Variants in TMOD1 observed in about 807,000 individuals in gnomAD.
The protein encoded by TMOD1 is tropomodulin 1.
TMOD1 carries 17 observed loss-of-function variants against 40.6 expected under a neutral mutation model. That is an observed-to-expected ratio of 0.42 (90% CI 0.29 to 0.63). TMOD1 has a LOEUF of 0.63. TMOD1 is among the 20% of genes least tolerant of loss of function. The probability of loss-of-function intolerance (pLI) is 0.22; values close to 1 mark genes in which losing one functional copy is unlikely to be tolerated. For synonymous variants in TMOD1, 181 were observed against 175.0 expected, an observed-to-expected ratio of 1.03 and a Z score of -0.27; for missense variants, 391 against 447.6, an observed-to-expected ratio of 0.87 and a Z score of 1.14.
intron 8 of TMOD1, among the ~76,000 whole-genome samples, chr9:97,581,361 A>G (rs1311281297): frequency 6.6e-6 from 1 of 151,524 alleles, no homozygotes; most frequent in Non-Finnish European, 1.5e-5. Flanking sequence ...TCCATGGTGT[A>G]TATGTGCCAC....
At position 97,555,303 on chromosome 9, in the gene TMOD1, G is replaced by T. The variant is rs1304230213; in HGVS notation, c.397+1903G>T. 7 of 1,035,184 alleles carry T rather than the reference G, an allele frequency of 6.8e-6. No homozygotes were observed. The East Asian group carries it at 5.0e-4, about 74-fold the overall frequency. The allele number at this position is 1,035,184 out of a possible 1,614,324, so 64.1% of individuals were successfully genotyped here. Reference sequence around the variant, plus strand: ...AGGCAGGGAGGTGGCTGATGCCTTGGTGCGGCATCTCCACATGGACTGGGG... The same window carrying T: ...AGGCAGGGAGGTGGCTGATGCCTTGTTGCGGCATCTCCACATGGACTGGGG... On this transcript the variant is annotated intron_variant, in intron 4 of 9. Coordinates refer to ENST00000259365, the MANE Select transcript of TMOD1 (RefSeq NM_003275.4).
chr9:97,594,102 G>A (rs973260021), intron 9 of TMOD1, among the ~76,000 whole-genome samples: 59 of 152,282 alleles, frequency 3.9e-4, no homozygotes, highest in African/African-American at 1.2e-3. Context: ...AGCAGAGACC[G>A]TGGCAGTTTC....
At chr9:97,517,540 G>A (rs759826547) in intron 1 of TMOD1, among the ~76,000 whole-genome samples, 1 of 152,138 alleles carries the variant, frequency 6.6e-6, no homozygotes, top group Non-Finnish European at 1.5e-5. Context: ...TGTGGGGCCT[G>A]AGGACTCCAG....
At chr9:97,567,556 A>T (rs1012948203) in intron 7 of TMOD1, among the ~76,000 whole-genome samples, 1 of 152,228 alleles carries the variant, frequency 6.6e-6, no homozygotes. Context: ...GTCCAGTTGG[A>T]TCAGCCTAGC....
intron 7 of TMOD1, among the ~76,000 whole-genome samples, chr9:97,568,359 C>T (rs1830765093): frequency 6.6e-6 from 1 of 152,184 alleles, no homozygotes; most frequent in African/African-American, 2.4e-5. Flanking sequence ...ATGAAAACAA[C>T]TCTGAACAGA....
At chr9:97,565,332 A>G (rs1830710542) in intron 6 of TMOD1, among the ~76,000 whole-genome samples, 1 of 152,048 alleles carries the variant, frequency 6.6e-6, no homozygotes, top group Admixed American at 6.5e-5. Flanking sequence ...AAGCATCACC[A>G]TTTTGTAAAA....
chr9:97,575,574 A>G (rs1016957644), intron 8 of TMOD1, among the ~76,000 whole-genome samples: 14 of 152,084 alleles, frequency 9.2e-5, no homozygotes, highest in African/African-American at 3.1e-4. Flanking sequence ...AGGGTCTGGG[A>G]CTCTGGAGTT....
At chr9:97,568,534 G>C (rs572556720) in intron 7 of TMOD1, among the ~76,000 whole-genome samples, 2 of 152,152 alleles carry the variant, frequency 1.3e-5, no homozygotes. Context: ...AGAAAGGGAA[G>C]GGAATTCCAG....
intron 2 of TMOD1, among the ~76,000 whole-genome samples, chr9:97,539,479 C>T (rs142669507): frequency 0.021 from 3,257 of 152,332 alleles, 56 homozygotes; most frequent in South Asian, 0.061. Flanking sequence ...TTGGCCAGCT[C>T]TAGCCTGGCC....
At chr9:97,595,454 T>C (rs747344254) in intron 9 of TMOD1, among the ~76,000 whole-genome samples, 1 of 152,160 alleles carries the variant, frequency 6.6e-6, no homozygotes, top group Non-Finnish European at 1.5e-5. Context: ...ACATATAATT[T>C]GTCTTTTTGT....
At chr9:97,553,640 C>G (rs1830486036) in intron 4 of TMOD1, among the ~76,000 whole-genome samples, 1 of 152,166 alleles carries the variant, frequency 6.6e-6, no homozygotes, top group African/African-American at 2.4e-5. Flanking sequence ...GACCCCATGC[C>G]AGAGGGACGT....
In TMOD1 at chr9:97,559,821, ATATGTCTATCTATC is replaced by A. The variant is rs1343862686; in HGVS notation, c.398-2907_398-2894del. On this transcript the variant is annotated intron_variant, in intron 4 of 9. Coordinates refer to ENST00000259365, the MANE Select transcript of TMOD1 (RefSeq NM_003275.4). ...TATATATATATATATATATATATAT[ATATGTCTATCTATC>A]TATCTATCTATCTATCTCCAGAGAT... Among the ~76,000 whole-genome samples, 14 of 26,208 alleles carry A rather than the reference ATATGTCTATCTATC, an allele frequency of 5.3e-4. 1 individual carries two copies. Among genetic ancestry groups the A allele is most frequent in the South Asian group, 2.3e-3 (1 of 434 alleles). 17.2% of individuals were successfully genotyped at this position (26,208 alleles called of 152,430 possible).
chr9:97,526,103 C>T (rs567355955), intron 2 of TMOD1, among the ~76,000 whole-genome samples: 1 of 152,328 alleles, frequency 6.6e-6, no homozygotes, highest in African/African-American at 2.4e-5. Context: ...TAAGGTGTGG[C>T]CACCTAGCTG....
chr9:97,576,355 G>A (rs1830939116), intron 8 of TMOD1, among the ~76,000 whole-genome samples: 1 of 152,134 alleles, frequency 6.6e-6, no homozygotes, highest in Non-Finnish European at 1.5e-5. Flanking sequence ...TGAGCAGGAG[G>A]ATCACTTGAG....
rs745764783 is a variant in TMOD1 at position 97,564,187 on chromosome 9, A to G, written c.618+19A>G. ...TATCCGGGTAAGGTCCATTTATTTC[A>G]CTTTACCTGTGTGTGGCTGGGGGAG... On this transcript the variant is annotated intron_variant, in intron 6 of 9. Transcript: ENST00000259365. The G allele has an allele frequency of 6.4e-7, 1 of 1,570,038 alleles. No individual in the cohort carries two copies. The highest frequency in any genetic ancestry group is 2.4e-5 in the East Asian group (1 of 42,516).
intron 9 of TMOD1, among the ~76,000 whole-genome samples, chr9:97,592,596 AG>A (rs1004221665): frequency 1.3e-5 from 2 of 152,312 alleles, no homozygotes; most frequent in South Asian, 2.1e-4. Flanking sequence ...CTCCACTCAA[AG>A]TATGTCACTT....
chr9:97,596,233 T>C (rs2805783), intron 9 of TMOD1, among the ~76,000 whole-genome samples: 43,588 of 151,770 alleles, frequency 0.29, 7,419 homozygotes, highest in African/African-American at 0.48. Context: ...TCGTCACAGT[T>C]ATCTCCTCCA....
At chr9:97,547,604 T>C (rs1027652791) in intron 3 of TMOD1, among the ~76,000 whole-genome samples, 1 of 152,206 alleles carries the variant, frequency 6.6e-6, no homozygotes, top group Non-Finnish European at 1.5e-5. Context: ...AGGAAATGAA[T>C]GCTACTTAAG....
rs1262450869 is a variant in TMOD1, at chr9:97,502,577, C to G, written c.-49+774C>G. 6.6e-6 allele frequency among the ~76,000 whole-genome samples: 1 copy of G among 152,168 alleles called. No homozygotes were observed. The highest frequency in any genetic ancestry group is 1.5e-5 in the Non-Finnish European group (1 of 68,020). ...CAAGCCCTGAGAGCTGCAGGGCGCGCTCTTGGCCGCCTGCGCTCCCCACAC... is the reference window on the plus strand; with the variant it reads ...CAAGCCCTGAGAGCTGCAGGGCGCGGTCTTGGCCGCCTGCGCTCCCCACAC... On this transcript the variant is annotated intron_variant, in intron 1 of 9. Coordinates refer to ENST00000259365, the MANE Select transcript of TMOD1 (RefSeq NM_003275.4). This position sits in a 1 kb window ranked among gnomAD's most constrained non-coding sequence, Gnocchi z 6.1.
Sources: allele counts gnomAD v4.1 joint callset (sites outside exome capture counted in the v4.1 genomes callset), GRCh38; gene constraint gnomAD v4.1.1; non-coding constraint Gnocchi (gnomAD v3.1); transcripts MANE v1.5; gene names NCBI Gene and HGNC (gene_info 2026-07-23, HGNC 2026-07-21).